Variants in COL18A1 observed in about 807,000 individuals in gnomAD.
COL18A1 encodes collagen type XVIII alpha 1 chain.
Under a neutral mutation model 168.0 loss-of-function variants are expected in COL18A1, and 133 were observed. The observed-to-expected ratio is 0.79, with a 90% CI of 0.69 to 0.91. The LOEUF is 0.91. Ranked by LOEUF, COL18A1 falls within the 40% of genes least tolerant of loss-of-function variation. The probability of loss-of-function intolerance (pLI) is 0.00; values close to 1 mark genes in which losing one functional copy is unlikely to be tolerated. For missense variants in COL18A1, 2,126 were observed against 1,925.4 expected (o/e 1.10, Z -1.95); for synonymous variants, 949 against 809.0 (o/e 1.17, Z -2.94).
chr21:45,452,664 A>G (rs536937157), intron 2 of COL18A1, among the ~76,000 whole-genome samples: 1 of 151,170 alleles, frequency 6.6e-6, no homozygotes, highest in South Asian at 2.1e-4. Flanking sequence ...GTATGCATGT[A>G]TTCATGTGTG....
intron 38 of COL18A1, among the ~76,000 whole-genome samples, 187 bp from the exon 39 acceptor site, chr21:45,509,169 C>T (rs955983667): frequency 3.3e-5 from 5 of 152,060 alleles, no homozygotes; most frequent in Admixed American, 6.5e-5. Context: ...TCCGGCGCCA[C>T]GGCAGGCAGG....
chr21:45,501,308 G>A (rs1287143834), intron 32 of COL18A1, among the ~76,000 whole-genome samples: 1 of 152,046 alleles, frequency 6.6e-6, no homozygotes, highest in East Asian at 1.9e-4. Context: ...TCATTATAGG[G>A]GGACTTTCAG....
At position 45,482,004 on chromosome 21, in the gene COL18A1, G is replaced by A; in HGVS notation, c.1653G>A (p.Arg551=). 1.2e-6 allele frequency: 2 copies of A among 1,613,656 alleles called. No individual in the cohort carries two copies. Among genetic ancestry groups the A allele is most frequent in the Non-Finnish European group, 1.7e-6 (2 of 1,179,670 alleles). ...GPPGREGPPG[R]TGQKGSLGEA... ...CGGGAAGAGAGGGGCCCCCAGGAAG[G>A]ACTGGGCAGAAAGGCAGCCTGGTAA... Residue 551 remains arginine, a synonymous_variant, in exon 14 of 42, where the codon AGG becomes AGA. Coordinates refer to ENST00000651438, the MANE Select transcript of COL18A1 (RefSeq NM_001379500.1).
chr21:45,506,085 C>A, intron 37 of COL18A1, 119 bp downstream of exon 37: 1 of 1,483,770 alleles, frequency 6.7e-7, no homozygotes, highest in Non-Finnish European at 9.3e-7. Context: ...GCAGCCAGCG[C>A]TTCTTAAACT....
rs760329911 is a variant in COL18A1 at position 45,505,904 on chromosome 21, A to G, written c.3154A>G (p.Ile1052Val). 46 of 1,612,842 alleles carry G rather than the reference A, an allele frequency of 2.9e-5. No homozygotes were observed. The highest frequency in any genetic ancestry group is 3.7e-5 in the Non-Finnish European group (44 of 1,179,968). The change falls in exon 37 of 42, where the codon ATC becomes GTC. Residue 1052 changes from isoleucine to valine, a missense_variant. Transcript: ENST00000651438. ...GCACGAGGTTCCCGAGGGCTGGCTC[A>G]TCTTCGTGGCCGAGCAGGAGGAGCT... The part of the protein sequence containing the change: ...QVHEVPEGWL[I>V]FVAEQEELYV...
chr21:45,512,302 G>T lies in COL18A1; in HGVS notation c.3924G>T (p.Leu1308=). 1.2e-6 allele frequency: 2 copies of T among 1,612,362 alleles called. No homozygotes were observed. The highest frequency in any genetic ancestry group is 8.5e-7 in the Non-Finnish European group (1 of 1,179,760). The change falls in exon 42 of 42, where the codon CTG becomes CTT. Residue 1308 remains leucine, a synonymous_variant. Transcript: ENST00000651438. ...CGGCCACGGGCCAGGCCTCCTCGCT[G>T]CTGGGGGGCAGGCTCCTGGGGCAGA... ...APSATGQASS[L]LGGRLLGQSA... is the part of the protein sequence containing the mutation.
At chr21:45,506,562 G>A (rs984431331) in intron 37 of COL18A1, 6 of 190,062 alleles carry the variant, frequency 3.2e-5, no homozygotes, top group Non-Finnish European at 3.4e-5. Flanking sequence ...AGGTGGGTGC[G>A]GCCATGCTTG....
At chr21:45,406,762 G>A (rs56206235) in intron 2 of COL18A1, among the ~76,000 whole-genome samples, 64,035 of 152,214 alleles carry the variant, frequency 0.42, 14,839 homozygotes, top group Middle Eastern at 0.6. Context: ...CCGAGCTTAT[G>A]AAACGTTATC....
intron 3 of COL18A1, among the ~76,000 whole-genome samples, chr21:45,470,739 A>T (rs980082415): frequency 6.6e-6 from 1 of 152,120 alleles, no homozygotes; most frequent in Non-Finnish European, 1.5e-5. Flanking sequence ...CACCCGCCTA[A>T]GCCTCTCAAA....
chr21:45,487,309 C>T (rs2036149128), intron 16 of COL18A1, 138 bp from the exon 17 acceptor site: 8 of 1,016,370 alleles, frequency 7.9e-6, no homozygotes, highest in African/African-American at 1.6e-5. Context: ...AGACAGTCCC[C>T]ATCTGAGAAC....
chr21:45,423,503 C>CCCCCGCA lies in COL18A1; in HGVS notation c.106+18035_106+18036insCACCCCG, dbSNP rs1456120236. Among the ~76,000 whole-genome samples the CCCCCGCA allele has an allele frequency of 6.7e-6, 1 of 150,358 alleles. No individual in the cohort carries two copies. Among genetic ancestry groups the CCCCCGCA allele is most frequent in the African/African-American group, 2.5e-5 (1 of 40,718 alleles). On this transcript the variant is annotated intron_variant, in intron 2 of 41. Transcript: ENST00000651438. This position sits in a 1 kb window ranked among gnomAD's most constrained non-coding sequence, Gnocchi z 4.0. Reference sequence around the variant, plus strand: ...TGGGCGCCCGCCCCCCGCCCCCCGCCCCCCGGAGGGCCCGGCTCCAAGGGT... The same window carrying CCCCCGCA: ...TGGGCGCCCGCCCCCCGCCCCCCGCCCCCCGCACCCCGGAGGGCCCGGCTCCAAGGGT...
intron 32 of COL18A1, among the ~76,000 whole-genome samples, chr21:45,499,338 A>G (rs1318840422): frequency 1.3e-5 from 2 of 152,232 alleles, no homozygotes; most frequent in Admixed American, 1.3e-4. Flanking sequence ...GCTGGCAGGA[A>G]CCGGCGTCCC....
At chr21:45,440,426 G>A (rs905667382) in intron 2 of COL18A1, among the ~76,000 whole-genome samples, 2 of 152,332 alleles carry the variant, frequency 1.3e-5, no homozygotes, top group South Asian at 2.1e-4. Flanking sequence ...GCCCAGGGCT[G>A]ACCCCTGGCT....
At position 45,507,550 on chromosome 21, in the gene COL18A1, C is replaced by G. The variant is rs1218659844; in HGVS notation, c.3217-11C>G. On this transcript the variant is annotated splice_polypyrimidine_tract_variant and intron_variant, in intron 37 of 41. Transcript: ENST00000651438. ...CCGCAGGTCCTGGGTGACCCTGCTG[C>G]TTTCTTCCAGCTGGAGGCCCGGACA... 6.2e-7 allele frequency: 1 copy of G among 1,612,520 alleles called. No homozygotes were observed. The highest frequency in any genetic ancestry group is 8.5e-7 in the Non-Finnish European group (1 of 1,179,804).
chr21:45,494,796 G>A, intron 27 of COL18A1, 66 bp from the exon 28 acceptor site: 1 of 1,460,716 alleles, frequency 6.8e-7, no homozygotes, highest in Non-Finnish European at 9.4e-7. Flanking sequence ...CCTTCCCCAG[G>A]ACCCCCCAAC....
intron 2 of COL18A1, chr21:45,455,401 G>T (rs1362274783): frequency 3.3e-5 from 43 of 1,309,044 alleles, no homozygotes; most frequent in Non-Finnish European, 4.4e-5. Flanking sequence ...GCAAGAGTGG[G>T]GGGTGGAAGA....
At chr21:45,459,670 G>A (rs2034976276) in intron 2 of COL18A1, among the ~76,000 whole-genome samples, 1 of 152,232 alleles carries the variant, frequency 6.6e-6, no homozygotes, top group South Asian at 2.1e-4. Context: ...TTGCTGTGTT[G>A]TGGGCTTGTC....
intron 17 of COL18A1, 105 bp from the exon 18 acceptor site, chr21:45,488,313 G>C (rs1328049320): frequency 4.3e-6 from 6 of 1,397,602 alleles, no homozygotes; most frequent in African/African-American, 1.4e-5. Flanking sequence ...TTTTACACAC[G>C]TATTTTGAAG....
Position 45,509,555 on chromosome 21 carries a change from G to A in COL18A1, c.3449G>A (p.Arg1150Gln), listed in dbSNP as rs767494712. 25 of 1,533,974 alleles carry A rather than the reference G, an allele frequency of 1.6e-5. No homozygotes were observed. Among genetic ancestry groups the A allele is most frequent in the Middle Eastern group, 3.5e-4 (2 of 5,644 alleles). The stretch of plus-strand genomic sequence containing the variant: ...TCCTACGTGCACCTGCGGCCGGCGC[G>A]ACCCACAAGCCCACCCGCCCACAGC... ...HSSYVHLRPARPTSPPAHSHR... is the reference protein window; with the variant it reads ...HSSYVHLRPAQPTSPPAHSHR... The change falls in exon 39 of 42, where the codon CGA becomes CAA. Residue 1150 changes from arginine to glutamine, a missense_variant. Transcript: ENST00000651438.
Sources: gnomAD v4.1 joint callset for allele counts (sites outside exome capture counted in the v4.1 genomes callset) on GRCh38, gnomAD v4.1.1 for gene constraint, Gnocchi (gnomAD v3.1) non-coding constraint, MANE v1.5 for transcripts, NCBI Gene and HGNC (gene_info 2026-07-23, HGNC 2026-07-21) for gene names.